Variants in SLC6A5 observed in about 807,000 individuals in gnomAD.
The protein encoded by SLC6A5 is sodium- and chloride-dependent glycine transporter 2.
A neutral mutation model predicts 90.5 loss-of-function variants in SLC6A5; 58 were observed. The ratio of observed to expected loss-of-function variants is 0.64; its 90% confidence interval spans 0.52 to 0.80. SLC6A5 has a LOEUF of 0.80. Among genes scored for constraint, SLC6A5 ranks in the 30% least tolerant of loss-of-function variants. The probability of loss-of-function intolerance (pLI) is 0.00; values close to 1 mark genes in which losing one functional copy is unlikely to be tolerated. For missense variants in SLC6A5, 1,015 were observed against 1,017.6 expected, an observed-to-expected ratio of 1.00 and a Z score of 0.03; for synonymous variants, 427 against 401.4, an observed-to-expected ratio of 1.06 and a Z score of -0.76.
chr11:20,646,695 A>T, intron 13 of SLC6A5, 139 bp from the exon 14 acceptor site: 1 of 703,164 alleles, frequency 1.4e-6, no homozygotes, highest in Non-Finnish European at 2.6e-6. Context: ...TTCCCTGCAT[A>T]ATAGAGGTCA....
chr11:20,655,081 C>A lies in SLC6A5; in HGVS notation c.*213C>A. On this transcript the variant is annotated 3_prime_UTR_variant, in exon 16 of 16. Coordinates refer to ENST00000525748, the MANE Select transcript of SLC6A5 (RefSeq NM_004211.5). ...CCACCTGAAGCGCTGTTTGCCTGTGCCCATGGTGACTGTTTCTGGTCAGGT... is the reference window on the plus strand; with the variant it reads ...CCACCTGAAGCGCTGTTTGCCTGTGACCATGGTGACTGTTTCTGGTCAGGT... 1.7e-6 allele frequency: 1 copy of A among 585,442 alleles called. No homozygotes were observed. Among genetic ancestry groups the A allele is most frequent in the Non-Finnish European group, 3.1e-6 (1 of 318,886 alleles). 36.3% of individuals were successfully genotyped at this position (585,442 alleles called of 1,614,324 possible).
rs754274129 is a variant in SLC6A5 at position 20,646,838 on chromosome 11, G to C, written c.1974G>C (p.Leu658Phe). ...TCTCTGCTTGTCTATTTGCAGGCTT[G>C]CAAAGATTCTGTGAAGATATAGAGA... ...ELVGISYVYG[L>F]QRFCEDIEMM... The change falls in exon 14 of 16, where the codon TTG becomes TTC. Residue 658 changes from leucine to phenylalanine, a missense_variant. By Grantham distance (22) the Leu-to-Phe change is conservative. Around this residue, in one of 3 missense-constraint regions of SLC6A5, gnomAD observed 442 missense variants for 494.3 expected, o/e 0.89. Coordinates refer to ENST00000525748, the MANE Select transcript of SLC6A5 (RefSeq NM_004211.5). 2 of 1,610,680 alleles carry C rather than the reference G, an allele frequency of 1.2e-6. No individual in the cohort carries two copies. Among genetic ancestry groups the C allele is most frequent in the Non-Finnish European group, 1.7e-6 (2 of 1,177,168 alleles).
At chr11:20,621,604 A>C (rs995385303) in intron 7 of SLC6A5, among the ~76,000 whole-genome samples, 1 of 152,232 alleles carries the variant, frequency 6.6e-6, no homozygotes, top group African/African-American at 2.4e-5. Context: ...ACAATTTACT[A>C]TCCTGCCCTG....
At chr11:20,645,633 GTGTT>G (rs1159166409) in intron 13 of SLC6A5, among the ~76,000 whole-genome samples, 56 of 113,214 alleles carry the variant, frequency 4.9e-4, no homozygotes, top group Admixed American at 1.4e-3. Flanking sequence ...GAATGATGAA[GTGTT>G]TTTTTTTTTT....
intron 5 of SLC6A5, among the ~76,000 whole-genome samples, chr11:20,608,843 G>A (rs1365444844): frequency 6.6e-6 from 1 of 151,888 alleles, no homozygotes; most frequent in Admixed American, 6.6e-5. Flanking sequence ...CCCTCTCGCA[G>A]ACCCAGAGAG....
At chr11:20,635,456 A>C (rs1853187854) in intron 10 of SLC6A5, among the ~76,000 whole-genome samples, 1 of 152,122 alleles carries the variant, frequency 6.6e-6, no homozygotes, top group East Asian at 1.9e-4. Context: ...TTATACCAAT[A>C]GTGCAAGATC....
Position 20,628,062 on chromosome 11 carries a change from A to T in SLC6A5, c.1478A>T (p.Lys493Ile). Residue 493 changes from lysine to isoleucine, a missense_variant, in exon 9 of 16, where the codon AAA (lysine) becomes ATA (isoleucine). Physicochemically the swap from Lys to Ile is moderately radical, Grantham distance 102. This residue lies in a region of SLC6A5 where 442 missense variants were observed against 494.3 expected (regional missense o/e 0.89). Transcript: ENST00000525748. ...GGLITLSSYN[K>I]FHNNCYRDTL... is the part of the protein sequence containing the mutation. Reference sequence around the variant, plus strand: ...CTGATCACTCTCTCTTCTTACAACAAATTCCACAACAACTGCTACAGGTAT... The same window carrying T: ...CTGATCACTCTCTCTTCTTACAACATATTCCACAACAACTGCTACAGGTAT... 1.2e-6 allele frequency: 2 copies of T among 1,613,938 alleles called. No homozygotes were observed. Among genetic ancestry groups the T allele is most frequent in the South Asian group, 2.2e-5 (2 of 91,064 alleles).
intron 5 of SLC6A5, among the ~76,000 whole-genome samples, chr11:20,610,262 C>A (rs1224653708): frequency 6.6e-6 from 1 of 152,176 alleles, no homozygotes; most frequent in African/African-American, 2.4e-5. Context: ...GCGGGTGGAC[C>A]CGAAGGCTCC....
chr11:20,647,267 A>AAT (rs1853435047), intron 14 of SLC6A5, among the ~76,000 whole-genome samples: 2 of 124,904 alleles, frequency 1.6e-5, no homozygotes, highest in African/African-American at 5.3e-5. Context: ...CTATATATAT[A>AAT]ATATCAGTTA....
At chr11:20,604,947 A>T (rs776121395) in intron 3 of SLC6A5, among the ~76,000 whole-genome samples, 4 of 152,194 alleles carry the variant, frequency 2.6e-5, no homozygotes, top group Non-Finnish European at 4.4e-5. Flanking sequence ...GAAGCAGAAC[A>T]TATTTTGATT....
chr11:20,638,331 G>A, intron 12 of SLC6A5, 128 bp from the exon 13 acceptor site: 1 of 723,362 alleles, frequency 1.4e-6, no homozygotes, highest in East Asian at 2.6e-5. Flanking sequence ...ACTGAGAGGA[G>A]GGGAGATGCA....
At chr11:20,635,032 A>G (rs1853178266) in intron 10 of SLC6A5, among the ~76,000 whole-genome samples, 1 of 152,138 alleles carries the variant, frequency 6.6e-6, no homozygotes, top group African/African-American at 2.4e-5. Flanking sequence ...GCTTTACGAT[A>G]GCAGAGAAAA....
intron 13 of SLC6A5, among the ~76,000 whole-genome samples, chr11:20,645,523 C>A (rs1487434470): frequency 6.6e-6 from 1 of 151,890 alleles, no homozygotes; most frequent in Non-Finnish European, 1.5e-5. Context: ...AGAAAGAAGG[C>A]CTGAAAATGT....
At chr11:20,599,853 G>T (rs1384845712) in intron 1 of SLC6A5, among the ~76,000 whole-genome samples, 178 bp downstream of exon 1, 1 of 152,114 alleles carries the variant, frequency 6.6e-6, no homozygotes, top group African/African-American at 2.4e-5. Flanking sequence ...ACCTGAGGTC[G>T]CAAAGAGGTT....
At position 20,601,566 on chromosome 11, in the gene SLC6A5, T is replaced by A; in HGVS notation, c.441T>A (p.Pro147=). 6.2e-7 allele frequency: 1 copy of A among 1,614,072 alleles called. No individual in the cohort carries two copies. The highest frequency in any genetic ancestry group is 1.7e-5 in the Admixed American group (1 of 60,024). The change falls in exon 2 of 16, where the codon CCT becomes CCA. Residue 147 remains proline (P), a synonymous_variant. Transcript: ENST00000525748. ...GCACCCTGGAGCGGAACAATACCCCTGTTGTGGGCTGGGTGAACATGAGCC... is the reference window on the plus strand; with the variant it reads ...GCACCCTGGAGCGGAACAATACCCCAGTTGTGGGCTGGGTGAACATGAGCC... The part of the protein sequence containing the change: ...GKGTLERNNT[P]VVGWVNMSQS...
At chr11:20,652,776 CAG>C (rs1336135717) in intron 15 of SLC6A5, among the ~76,000 whole-genome samples, 3 of 152,170 alleles carry the variant, frequency 2.0e-5, no homozygotes, top group Admixed American at 6.5e-5. Context: ...GTTTAAATCT[CAG>C]TGTTTTGTTT....
intron 10 of SLC6A5, 127 bp downstream of exon 10, chr11:20,630,942 T>C: frequency 9.4e-7 from 1 of 1,060,390 alleles, no homozygotes; most frequent in Non-Finnish European, 1.4e-6. Flanking sequence ...GCCCAGGTCC[T>C]TCTTTACAGA....
At position 20,630,704 on chromosome 11, in the gene SLC6A5, G is replaced by A. The variant is rs559477967; in HGVS notation, c.1513G>A (p.Val505Ile). 6.2e-7 allele frequency: 1 copy of A among 1,614,184 alleles called. No homozygotes were observed. Among genetic ancestry groups the A allele is most frequent in the South Asian group, 1.1e-5 (1 of 91,082 alleles). Residue 505 changes from valine (V) to isoleucine (I), a missense_variant, in exon 10 of 16, where the codon GTC becomes ATC. Physicochemically the swap from Val to Ile is conservative, Grantham distance 29. Around this residue, in one of 3 missense-constraint regions of SLC6A5, gnomAD observed 442 missense variants for 494.3 expected, o/e 0.89. Transcript: ENST00000525748. ...TCTTCCTTCCAGGGACACTCTAATT[G>A]TCACCTGCACCAACAGTGCCACAAG... is the stretch of plus-strand genomic sequence containing the variant. ...HNNCYRDTLI[V>I]TCTNSATSIF...
intron 3 of SLC6A5, among the ~76,000 whole-genome samples, chr11:20,606,219 G>A (rs926832599): frequency 2.6e-5 from 4 of 152,262 alleles, no homozygotes; most frequent in Admixed American, 2.6e-4. Flanking sequence ...GGCCTGCCAA[G>A]TACTATTGCC....
Sources: allele counts gnomAD v4.1 joint callset (sites outside exome capture counted in the v4.1 genomes callset), GRCh38; gene constraint gnomAD v4.1.1; regional missense constraint gnomAD v4.1.1; transcripts MANE v1.5; gene names NCBI Gene and HGNC (gene_info 2026-07-23, HGNC 2026-07-21).